Variants in IMPG1 observed in about 807,000 individuals in gnomAD.
IMPG1 encodes the protein interphotoreceptor matrix proteoglycan 1.
A neutral mutation model predicts 92.0 loss-of-function variants in IMPG1; 85 were observed. The observed-to-expected ratio is 0.92, with a 90% CI of 0.78 to 1.11. The LOEUF (loss-of-function observed/expected upper bound fraction) is 1.11, where lower values mean the gene tolerates loss of function less well. Among genes scored for constraint, IMPG1 ranks in the 50% least tolerant of loss-of-function variants. IMPG1 has a pLI of 0.00. For missense variants in IMPG1, 1,022 were observed against 956.0 expected (o/e 1.07, Z -0.91); for synonymous variants, 367 against 334.1 (o/e 1.10, Z -1.08).
intron 12 of IMPG1, among the ~76,000 whole-genome samples, chr6:75,986,025 C>A (rs1020233846): frequency 6.6e-6 from 1 of 152,160 alleles, no homozygotes; most frequent in Non-Finnish European, 1.5e-5. Context: ...CTGCTCCTGT[C>A]ACAAAATAGT....
intron 15 of IMPG1, among the ~76,000 whole-genome samples, chr6:75,927,058 A>G (rs1781567096): frequency 6.6e-6 from 1 of 152,094 alleles, no homozygotes; most frequent in South Asian, 2.1e-4. Context: ...AAGTTGCAGC[A>G]CTTGGTGTTC....
chr6:76,042,197 T>G, intron 1 of IMPG1, 71 bp from the exon 2 acceptor site: 1 of 833,236 alleles, frequency 1.2e-6, no homozygotes, highest in South Asian at 1.5e-5. Flanking sequence ...TATGGATAAA[T>G]GACTGAAATA....
chr6:75,983,829 A>C lies in IMPG1; in HGVS notation c.1291+19089T>G, dbSNP rs199846379. Among the ~76,000 whole-genome samples, 7 of 152,276 alleles carry C rather than the reference A, an allele frequency of 4.6e-5. No individual in the cohort carries two copies. The East Asian group carries it at 1.3e-3, about 29-fold the overall frequency. On this transcript the variant is annotated intron_variant, in intron 12 of 16. Transcript: ENST00000369950. ...TTTTAAACCATATATCTGAAAGGCA[A>C]TTAATATTTAAAATATATAAGAAAC...
At chr6:75,925,446 A>T (rs1263971261) in intron 15 of IMPG1, among the ~76,000 whole-genome samples, 1 of 152,064 alleles carries the variant, frequency 6.6e-6, no homozygotes, top group Admixed American at 6.6e-5. Flanking sequence ...AATTTATTAC[A>T]ATTTCAGGGA....
chr6:75,973,481 C>G (rs570868432), intron 12 of IMPG1, among the ~76,000 whole-genome samples: 35 of 152,230 alleles, frequency 2.3e-4, no homozygotes, highest in Non-Finnish European at 4.9e-4. Context: ...AAAAACAGCT[C>G]TCATTTTTTG....
intron 15 of IMPG1, among the ~76,000 whole-genome samples, chr6:75,929,975 T>C (rs1781636987): frequency 1.3e-5 from 2 of 152,304 alleles, no homozygotes; most frequent in South Asian, 2.1e-4. Flanking sequence ...ATGTATGAGT[T>C]TGTGTTTGAA....
At chr6:75,970,524 T>G (rs564858688) in intron 12 of IMPG1, among the ~76,000 whole-genome samples, 1 of 152,288 alleles carries the variant, frequency 6.6e-6, no homozygotes, top group South Asian at 2.1e-4. Flanking sequence ...CTTTCTGTCT[T>G]CATTTTGAAA....
intron 14 of IMPG1, among the ~76,000 whole-genome samples, chr6:75,945,234 A>G (rs1013229588): frequency 4.6e-5 from 7 of 152,232 alleles, no homozygotes; most frequent in Non-Finnish European, 1.0e-4. Flanking sequence ...TTGCAATAGT[A>G]ACTACTAATG....
Position 75,923,714 on chromosome 6 carries a change from A to G in IMPG1, c.2244-8T>C. The G allele has an allele frequency of 6.4e-7, 1 of 1,562,404 alleles. No individual in the cohort carries two copies. Among genetic ancestry groups the G allele is most frequent in the Non-Finnish European group, 8.8e-7 (1 of 1,136,108 alleles). ...TCAGAGTGATCTGGCAACCTACAAA[A>G]GAAAGCAAAAACATAGTATCTTGTT... is the stretch of plus-strand genomic sequence containing the variant. On this transcript the variant is annotated splice_polypyrimidine_tract_variant and splice_region_variant and intron_variant, in intron 15 of 16. Transcript: ENST00000369950.
rs937156712 is a variant in IMPG1, at chr6:75,921,555, C to T, written c.*534G>A. The T allele has an allele frequency of 6.6e-6, 1 of 152,660 alleles. No homozygotes were observed. The highest frequency in any genetic ancestry group is 2.4e-5 in the African/African-American group (1 of 41,444). The allele number at this position is 152,660 out of a possible 1,614,324, so 9.5% of individuals were successfully genotyped here. On this transcript the variant is annotated 3_prime_UTR_variant, in exon 17 of 17. Transcript: ENST00000369950. ...CGTATAAAACTAGTGTGCCTAATAA[C>T]TGAATACTGAGGTTTGTGTTTATCA...
chr6:75,931,061 C>T lies in IMPG1; in HGVS notation c.2135G>A (p.Cys712Tyr), dbSNP rs1182855266. Residue 712 changes from cysteine (C) to tyrosine (Y), a missense_variant, in exon 15 of 17, where the codon TGC becomes TAC. Around this residue, in one of 3 missense-constraint regions of IMPG1, gnomAD observed 332 missense variants for 346.2 expected, o/e 0.96. Transcript: ENST00000369950. ...NERTEEAECR[C>Y]KPGYDSQGSL... ...CCCCTGGCTGTCATATCCTGGTTTG[C>T]AGCGACACTCCGCTTCCTCAGTCCG... 6.2e-7 allele frequency: 1 copy of T among 1,614,176 alleles called. No homozygotes were observed.
chr6:76,013,678 C>G (rs914388113), intron 7 of IMPG1, among the ~76,000 whole-genome samples: 6 of 152,150 alleles, frequency 3.9e-5, no homozygotes, highest in African/African-American at 1.4e-4. Context: ...CTCATTCCAT[C>G]TAGCAGATTG....
chr6:76,072,381 T>A (rs769850564), intron 1 of IMPG1, 41 bp downstream of exon 1: 3 of 1,101,500 alleles, frequency 2.7e-6, no homozygotes, highest in Admixed American at 1.9e-5. Context: ...CGGTAGATTT[T>A]ATAGATAAGC....
At chr6:76,034,085 T>A (rs1181845923) in intron 4 of IMPG1, among the ~76,000 whole-genome samples, 2 of 152,246 alleles carry the variant, frequency 1.3e-5, no homozygotes, top group Non-Finnish European at 2.9e-5. Context: ...ATTCATTTTA[T>A]GTGCAAACAA....
At chr6:76,037,253 A>C (rs1294119361) in intron 2 of IMPG1, among the ~76,000 whole-genome samples, 1 of 152,128 alleles carries the variant, frequency 6.6e-6, no homozygotes, top group Non-Finnish European at 1.5e-5. Flanking sequence ...TTAAGAAGAA[A>C]ATTCCAGATC....
intron 12 of IMPG1, among the ~76,000 whole-genome samples, chr6:75,983,975 G>A (rs1782671923): frequency 1.3e-5 from 2 of 152,164 alleles, no homozygotes; most frequent in South Asian, 4.1e-4. Flanking sequence ...ACTGCTCAAC[G>A]TCATTAATCA....
chr6:76,002,794 G>A, intron 12 of IMPG1, 124 bp downstream of exon 12: 1 of 707,828 alleles, frequency 1.4e-6, no homozygotes, highest in South Asian at 1.6e-5. Context: ...TGGAAATGCT[G>A]GTGGCAGTGA....
At chr6:76,052,840 G>A (rs1477539207) in intron 1 of IMPG1, among the ~76,000 whole-genome samples, 1 of 152,124 alleles carries the variant, frequency 6.6e-6, no homozygotes, top group Admixed American at 6.5e-5. Context: ...TTAATGCTGA[G>A]GTGAAGTTGG....
chr6:76,047,053 A>C (rs1317557351), intron 1 of IMPG1, among the ~76,000 whole-genome samples: 1 of 152,218 alleles, frequency 6.6e-6, no homozygotes, highest in Non-Finnish European at 1.5e-5. Context: ...AAGTTTTCTT[A>C]ATATGTCATG....
Sources: allele counts gnomAD v4.1 joint callset (sites outside exome capture counted in the v4.1 genomes callset), GRCh38; gene constraint gnomAD v4.1.1; regional missense constraint gnomAD v4.1.1; transcripts MANE v1.5; gene names NCBI Gene and HGNC (gene_info 2026-07-23, HGNC 2026-07-21).